The following SCAP variants were observed in gnomAD, a reference collection of about 807,000 sequenced individuals.
SCAP encodes the protein SREBF chaperone.
Under a neutral mutation model 123.6 loss-of-function variants are expected in SCAP, and 65 were observed. The ratio of observed to expected loss-of-function variants is 0.53; its 90% CI spans 0.43 to 0.65. The LOEUF (loss-of-function observed/expected upper bound fraction) is 0.65, where lower values mean the gene tolerates loss of function less well. SCAP is among the 30% of genes least tolerant of loss of function. SCAP has a pLI of 0.00. For missense variants in SCAP, 1,398 were observed against 1,712.5 expected, an observed-to-expected ratio of 0.82 and a Z score of 3.24; for synonymous variants, 740 against 726.3, an observed-to-expected ratio of 1.02 and a Z score of -0.30.
In SCAP at chr3:47,435,195, G is replaced by A. The variant is rs183347759; in HGVS notation, c.123-58C>T. On this transcript the variant is annotated intron_variant, in intron 2 of 22. Coordinates refer to ENST00000265565, the MANE Select transcript of SCAP (RefSeq NM_012235.4). ...CACTATGAGAGGCAGTCCTCTCTCA[G>A]CACTGACACAGGAGCCACTGGAGTT... is the stretch of plus-strand genomic sequence containing the variant. 259 of 1,541,504 alleles carry A rather than the reference G, an allele frequency of 1.7e-4. 1 individual carries two copies. Among genetic ancestry groups the A allele is most frequent in the Admixed American group, 1.2e-3 (64 of 52,170 alleles).
At chr3:47,422,748 G>A (rs1399251619) in intron 9 of SCAP, 1 of 499,278 alleles carries the variant, frequency 2.0e-6, no homozygotes, top group Non-Finnish European at 3.6e-6. Flanking sequence ...CGGGGAACGG[G>A]TGTTCACAGC....
At position 47,418,649 on chromosome 3, in the gene SCAP, C is replaced by T; in HGVS notation, c.2129+6G>A. The T allele has an allele frequency of 6.2e-7, 1 of 1,602,278 alleles. No individual in the cohort carries two copies. The highest frequency in any genetic ancestry group is 8.5e-7 in the Non-Finnish European group (1 of 1,174,948). ...TTTCCCACCCCACCCCACCCAGCAG[C>T]CTTACTTGTACAGCGTGACGTCTCC... On this transcript the variant is annotated splice_donor_region_variant and intron_variant, in intron 14 of 22. Transcript: ENST00000265565.
chr3:47,419,558 G>A lies in SCAP; in HGVS notation c.1710C>T (p.Pro570=). The A allele has an allele frequency of 1.9e-6, 3 of 1,612,704 alleles. No individual in the cohort carries two copies. Among genetic ancestry groups the A allele is most frequent in the Non-Finnish European group, 2.5e-6 (3 of 1,179,114 alleles). ...TGGAGAAGGCAGGGTCCGGGTGGCT[G>A]GGGGGCAGCATGCCACTAGGCACGG... ...PMPVPSGMLP[P]SHPDPAFSIF... The change falls in exon 13 of 23, where the codon CCC becomes CCT. Residue 570 remains proline (P), a synonymous_variant. Transcript: ENST00000265565. The surrounding 1 kb of genome is among the most constrained non-coding windows in gnomAD (Gnocchi z 5.0).
At chr3:47,464,730 G>A (rs1381150054) in intron 1 of SCAP, among the ~76,000 whole-genome samples, 1 of 152,124 alleles carries the variant, frequency 6.6e-6, no homozygotes, top group African/African-American at 2.4e-5. Flanking sequence ...ATTTAATCCA[G>A]TACTGAAAAG....
chr3:47,436,009 A>G (rs568091891), intron 2 of SCAP, among the ~76,000 whole-genome samples: 10 of 152,138 alleles, frequency 6.6e-5, no homozygotes, highest in African/African-American at 2.4e-4. Context: ...TGATTATACC[A>G]CTGCACTCCA....
chr3:47,459,766 T>C (rs1030835633), intron 1 of SCAP, among the ~76,000 whole-genome samples: 8 of 152,172 alleles, frequency 5.3e-5, no homozygotes, highest in Non-Finnish European at 1.2e-4. Context: ...GCACGTATTG[T>C]CTTGATAAAC....
rs956166651 is a variant in SCAP at position 47,414,214 on chromosome 3, C to T, written c.3560G>A (p.Arg1187His). The part of the protein sequence containing the change: ...GLDDLISIWD[R>H]STGIKFYSIQ... ...GGAGTAGAACTTGATGCCTGTGCTG[C>T]GGTCCCAGATGCTGATGAGGTCATC... Residue 1187 changes from arginine to histidine, a missense_variant, in exon 22 of 23, where the codon CGC becomes CAC. Physicochemically the swap from Arg to His is conservative, Grantham distance 29 (BLOSUM62 0). Around this residue, in one of 7 missense-constraint regions of SCAP, gnomAD observed 130 missense variants for 166.7 expected, o/e 0.78. Coordinates refer to ENST00000265565, the MANE Select transcript of SCAP (RefSeq NM_012235.4). 1.7e-5 allele frequency: 27 copies of T among 1,613,612 alleles called. No homozygotes were observed. Among genetic ancestry groups the T allele is most frequent in the Admixed American group, 1.3e-4 (8 of 60,002 alleles).
At chr3:47,468,528 G>GTC (rs1330418069) in intron 1 of SCAP, among the ~76,000 whole-genome samples, 2 of 152,176 alleles carry the variant, frequency 1.3e-5, no homozygotes, top group Admixed American at 6.6e-5. Context: ...TTTGAGAAGT[G>GTC]TCTGTTCATA....
chr3:47,450,526 T>C (rs1325402003), intron 1 of SCAP, among the ~76,000 whole-genome samples: 2 of 120,454 alleles, frequency 1.7e-5, no homozygotes, highest in East Asian at 3.0e-4. Flanking sequence ...TTTTTTTTTT[T>C]CCTTGAGACA....
At chr3:47,460,077 T>C (rs1240930403) in intron 1 of SCAP, among the ~76,000 whole-genome samples, 1 of 152,228 alleles carries the variant, frequency 6.6e-6, no homozygotes, top group African/African-American at 2.4e-5. Context: ...AAGAAAAATA[T>C]GGCTCTATTC....
In SCAP at chr3:47,423,913, C is replaced by G. The variant is rs749404146; in HGVS notation, c.1150+20G>C. 1 of 1,576,364 alleles carries G rather than the reference C, an allele frequency of 6.3e-7. No homozygotes were observed. Among genetic ancestry groups the G allele is most frequent in the Non-Finnish European group, 8.7e-7 (1 of 1,145,846 alleles). ...CCAGCCCCTCCTGCAGCCCTCTGCC[C>G]AACTCTCCCACTGCGTTACCTTGGG... On this transcript the variant is annotated intron_variant, in intron 9 of 22. Coordinates refer to ENST00000265565, the MANE Select transcript of SCAP (RefSeq NM_012235.4).
Position 47,475,892 on chromosome 3 carries a change from G to C in SCAP, c.-192C>G, listed in dbSNP as rs1428818248. On this transcript the variant is annotated 5_prime_UTR_variant, in exon 1 of 23. Transcript: ENST00000265565. ...AGCGCGGCGTGCGCGCTCTCGGCCC[G>C]CAGTCCGGTGCGTGGCGCCCTCCCT... 1.3e-5 allele frequency: 2 copies of C among 155,136 alleles called. No homozygotes were observed. The highest frequency in any genetic ancestry group is 2.4e-5 in the African/African-American group (1 of 41,286). 9.6% of individuals were successfully genotyped at this position (155,136 alleles called of 1,614,324 possible).
At chr3:47,459,467 G>GT (rs369891654) in intron 1 of SCAP, among the ~76,000 whole-genome samples, 2 of 152,228 alleles carry the variant, frequency 1.3e-5, no homozygotes, top group African/African-American at 4.8e-5. Flanking sequence ...TCTATTTTCC[G>GT]TAAGTGTCGG....
At chr3:47,474,056 G>C (rs1432437682) in intron 1 of SCAP, among the ~76,000 whole-genome samples, 2 of 151,958 alleles carry the variant, frequency 1.3e-5, no homozygotes, top group Non-Finnish European at 2.9e-5. Flanking sequence ...ATGAGGTCAG[G>C]AGATAGAGAC....
In SCAP at chr3:47,413,743, G is replaced by C; in HGVS notation, c.*111C>G. ...TTTAAAAAAGTTTAATATTATTACA[G>C]TCAGGAGGCAGCGGCTGGAAGATAC... On this transcript the variant is annotated 3_prime_UTR_variant, in exon 23 of 23. Coordinates refer to ENST00000265565, the MANE Select transcript of SCAP (RefSeq NM_012235.4). 1 of 1,395,028 alleles carries C rather than the reference G, an allele frequency of 7.2e-7. No homozygotes were observed. Among genetic ancestry groups the C allele is most frequent in the Non-Finnish European group, 9.7e-7 (1 of 1,026,144 alleles). 86.4% of individuals were successfully genotyped at this position (1,395,028 alleles called of 1,614,324 possible).
At position 47,418,351 on chromosome 3, in the gene SCAP, G is replaced by A. The variant is rs1033297853; in HGVS notation, c.2301C>T (p.Ile767=). Residue 767 remains isoleucine, a synonymous_variant, in exon 15 of 23, where the codon ATC becomes ATT. Transcript: ENST00000265565. ...DYGYAPPETE[I]VPLVLRGHLM... is the part of the protein sequence containing the mutation. ...GGTGGCCGCGCAGCACAAGCGGCAC[G>A]ATCTCCGTCTCGGGTGGCGCATAGC... 7.6e-6 allele frequency: 12 copies of A among 1,570,320 alleles called. No homozygotes were observed. Among genetic ancestry groups the A allele is most frequent in the Admixed American group, 3.7e-5 (2 of 54,010 alleles).
intron 2 of SCAP, among the ~76,000 whole-genome samples, chr3:47,438,864 G>A (rs1706690601): frequency 6.6e-6 from 1 of 151,800 alleles, no homozygotes; most frequent in Admixed American, 6.6e-5. Flanking sequence ...CGTTTGCATA[G>A]TAATCACAGA....
In SCAP at chr3:47,427,493, G is replaced by A; in HGVS notation, c.585C>T (p.Ile195=). ...FHADPDIIGT[I]HQHEPKTLQT... ...GCAGGGTTTTAGGCTCGTGCTGGTGGATGGTCCCAATGATGTCAGGATCAG... is the reference window on the plus strand; with the variant it reads ...GCAGGGTTTTAGGCTCGTGCTGGTGAATGGTCCCAATGATGTCAGGATCAG... Residue 195 remains isoleucine (I), a synonymous_variant, in exon 5 of 23, where the codon ATC becomes ATT. Transcript: ENST00000265565. 6.2e-7 allele frequency: 1 copy of A among 1,614,208 alleles called. No homozygotes were observed. The highest frequency in any genetic ancestry group is 8.5e-7 in the Non-Finnish European group (1 of 1,180,042).
chr3:47,441,735 A>G (rs1706811965), intron 2 of SCAP, among the ~76,000 whole-genome samples: 1 of 152,126 alleles, frequency 6.6e-6, no homozygotes, highest in Admixed American at 6.6e-5. Context: ...TTCCCTAATT[A>G]TTAGTTATGT....
Sources: gnomAD v4.1 joint callset for allele counts (sites outside exome capture counted in the v4.1 genomes callset) on GRCh38, gnomAD v4.1.1 for gene constraint, gnomAD v4.1.1 regional missense constraint, Gnocchi (gnomAD v3.1) non-coding constraint, MANE v1.5 for transcripts, NCBI Gene and HGNC (gene_info 2026-07-23, HGNC 2026-07-21) for gene names.